The following ZNF565 variants were observed in gnomAD, a reference collection of about 807,000 sequenced individuals.
The protein encoded by ZNF565 is zinc finger protein 565.
ZNF565 carries 27 observed loss-of-function variants against 39.4 expected under a neutral mutation model. That is an observed-to-expected ratio of 0.69 (90% CI 0.51 to 0.95). ZNF565 has a LOEUF of 0.95. ZNF565 is among the 40% of genes least tolerant of loss of function. The pLI is 0.00. For synonymous variants in ZNF565, 185 were observed against 216.6 expected (o/e 0.85, Z 1.28); for missense variants, 524 against 621.1 (o/e 0.84, Z 1.66).
chr19:36,219,219 C>T (rs961101231), upstream of ZNF565, among the ~76,000 whole-genome samples: 2 of 152,172 alleles, frequency 1.3e-5, no homozygotes, highest in South Asian at 2.1e-4. Context: ...TGCACTGGTG[C>T]GATCACATCT....
At chr19:36,242,308 G>C (rs1977814376) in intron 1 of ZNF565, among the ~76,000 whole-genome samples, 1 of 151,996 alleles carries the variant, frequency 6.6e-6, no homozygotes. Context: ...TACTTGGGAG[G>C]CTGAGACAAG....
At chr19:36,216,781 G>A (rs947279486), upstream of ZNF565, among the ~76,000 whole-genome samples, 10 of 152,018 alleles carry the variant, frequency 6.6e-5, no homozygotes, top group African/African-American at 2.4e-4. Flanking sequence ...GACTGAGAAA[G>A]AAAAGGCGTT....
chr19:36,200,102 T>G (rs1401553014), intron 2 of ZNF565, among the ~76,000 whole-genome samples: 1 of 152,112 alleles, frequency 6.6e-6, no homozygotes, highest in Non-Finnish European at 1.5e-5. Flanking sequence ...CTTGGCTCAC[T>G]GCAACCTCTG....
intron 1 of ZNF565, among the ~76,000 whole-genome samples, chr19:36,232,995 C>T (rs557589131): frequency 1.3e-5 from 2 of 152,320 alleles, no homozygotes; most frequent in South Asian, 2.1e-4. Context: ...TATTTTGCCA[C>T]GCTTTTGTAT....
chr19:36,215,379 G>C (rs1356659001), upstream of ZNF565, among the ~76,000 whole-genome samples: 1 of 152,106 alleles, frequency 6.6e-6, no homozygotes, highest in Admixed American at 6.5e-5. Flanking sequence ...CTCAAAGTTT[G>C]ACCTGATGTT....
At chr19:36,211,784 C>T (rs978591037) in intron 1 of ZNF565, among the ~76,000 whole-genome samples, 1 of 150,256 alleles carries the variant, frequency 6.7e-6, no homozygotes, top group African/African-American at 2.4e-5. Context: ...CAGAGCAAGA[C>T]TCTGTCTCAA....
upstream of ZNF565, among the ~76,000 whole-genome samples, chr19:36,218,518 T>C (rs1353770155): frequency 1.3e-5 from 2 of 152,034 alleles, no homozygotes; most frequent in African/African-American, 2.4e-5. Context: ...CAGGCTGCAG[T>C]GCAGTGGCCT....
intron 1 of ZNF565, among the ~76,000 whole-genome samples, chr19:36,223,423 T>C (rs1250467187): frequency 6.6e-6 from 1 of 151,380 alleles, no homozygotes; most frequent in Non-Finnish European, 1.5e-5. Flanking sequence ...AATGCAGTGG[T>C]GCGATTTCGG....
At position 36,245,576 on chromosome 19, in the gene ZNF565, G is replaced by A; in HGVS notation, c.-46C>T. 1.4e-6 allele frequency: 1 copy of A among 702,060 alleles called. No individual in the cohort carries two copies. Among genetic ancestry groups the A allele is most frequent in the South Asian group, 1.5e-5 (1 of 67,582 alleles). The allele number at this position is 702,060 out of a possible 1,614,324, so 43.5% of individuals were successfully genotyped here. On this transcript the variant is annotated 5_prime_UTR_variant, in exon 1 of 5. Transcript: ENST00000355114. This position sits in a 1 kb window ranked among gnomAD's most constrained non-coding sequence, Gnocchi z 4.4. ...GACTACATTTCCCAGGGTCCACCGC[G>A]GATCTAGGAGGAGGCTTGAGATGCA...
rs907746340 is a variant in ZNF565, at chr19:36,211,447, T to A, written c.-66+3175A>T. ...CAACAAGAGCCAAACTCCAACTCTC[T>A]CTCACACACACACACACACACACAC... is the stretch of plus-strand genomic sequence containing the variant. On this transcript the variant is annotated intron_variant, in intron 1 of 4. Coordinates refer to ENST00000304116, the MANE Select transcript of ZNF565 (RefSeq NM_152477.5). Among the ~76,000 whole-genome samples, 6 of 110,048 alleles carry A rather than the reference T, an allele frequency of 5.5e-5. No homozygotes were observed. The East Asian group carries it at 1.7e-3, about 31-fold the overall frequency. The allele number at this position is 110,048 out of a possible 152,430, so 72.2% of individuals were successfully genotyped here.
chr19:36,208,740 G>A (rs1023590066), intron 1 of ZNF565, among the ~76,000 whole-genome samples: 2 of 152,244 alleles, frequency 1.3e-5, no homozygotes, highest in East Asian at 3.9e-4. Context: ...AGCTAGACAG[G>A]TACAGGAATC....
intron 1 of ZNF565, among the ~76,000 whole-genome samples, chr19:36,239,830 T>G (rs905127978): frequency 6.6e-6 from 1 of 152,098 alleles, no homozygotes; most frequent in African/African-American, 2.4e-5. Flanking sequence ...TCATGAAAAT[T>G]TTTTTATTCT....
At position 36,236,471 on chromosome 19, in the gene ZNF565, A is replaced by G. The variant is rs912817830; in HGVS notation, c.55+9005T>C. The G allele has an allele frequency of 2.5e-6, 4 of 1,609,900 alleles. No individual in the cohort carries two copies. The African/African-American group carries it at 5.4e-5, about 22-fold the overall frequency. On this transcript the variant is annotated intron_variant, in intron 1 of 4. Transcript: ENST00000355114. ...ACACCTCAGCCAGCAGAGAATTTAC[A>G]GTGGGGAAAACCCCTTTGCCTGTAA...
intron 1 of ZNF565, among the ~76,000 whole-genome samples, chr19:36,221,753 T>G (rs1568429835): frequency 2.0e-5 from 3 of 152,022 alleles, no homozygotes; most frequent in Non-Finnish European, 4.4e-5. Context: ...TTTGTTTGCT[T>G]CTTGTTTATC....
In ZNF565 at chr19:36,182,544, A is replaced by G; in HGVS notation, c.1422T>C (p.Pro474=). Residue 474 remains proline (P), a synonymous_variant, in exon 5 of 5, where the codon CCT becomes CCC. Coordinates refer to ENST00000304116, the MANE Select transcript of ZNF565 (RefSeq NM_152477.5). ...CCTGCCCACACTCTCTACATTCGTA[A>G]GGTTTGATACCAGGATGAATTCTCT... The part of the protein sequence containing the change: ...EHQRIHPGIK[P]YECRECGQAF... 1 of 1,612,864 alleles carries G rather than the reference A, an allele frequency of 6.2e-7. No individual in the cohort carries two copies. Among genetic ancestry groups the G allele is most frequent in the Non-Finnish European group, 8.5e-7 (1 of 1,179,330 alleles).
At chr19:36,223,891 C>T (rs1976967555) in intron 1 of ZNF565, among the ~76,000 whole-genome samples, 1 of 151,916 alleles carries the variant, frequency 6.6e-6, no homozygotes, top group Non-Finnish European at 1.5e-5. Flanking sequence ...CTGTGTTGCC[C>T]AGGCTGGTCT....
At chr19:36,232,305 T>G (rs968818429) in intron 1 of ZNF565, among the ~76,000 whole-genome samples, 3 of 152,182 alleles carry the variant, frequency 2.0e-5, no homozygotes, top group African/African-American at 7.2e-5. Context: ...ATTCTACTTA[T>G]GTAGGTACTA....
chr19:36,238,589 G>A (rs1315845567), intron 1 of ZNF565: 2 of 166,942 alleles, frequency 1.2e-5, no homozygotes, highest in Non-Finnish European at 2.9e-5. Context: ...AATAGGAATG[G>A]GAGTGAGGAT....
intron 2 of ZNF565, among the ~76,000 whole-genome samples, chr19:36,199,408 C>A (rs1370415665): frequency 6.6e-6 from 1 of 152,134 alleles, no homozygotes; most frequent in Non-Finnish European, 1.5e-5. Context: ...ACAACTCCTA[C>A]CATGTCTATG....
Sources: gnomAD v4.1 joint callset for allele counts (sites outside exome capture counted in the v4.1 genomes callset) on GRCh38, gnomAD v4.1.1 for gene constraint, Gnocchi (gnomAD v3.1) non-coding constraint, MANE v1.5 for transcripts, NCBI Gene and HGNC (gene_info 2026-07-23, HGNC 2026-07-21) for gene names.